Variants in CDH18 observed in about 807,000 individuals in gnomAD.
The protein encoded by CDH18 is cadherin-18.
CDH18 carries 31 observed loss-of-function variants against 67.9 expected under a neutral mutation model. That is an observed-to-expected ratio of 0.46 (90% confidence interval 0.34 to 0.62). CDH18 has a LOEUF of 0.62. Ranked by LOEUF, CDH18 falls within the 20% of genes least tolerant of loss-of-function variation. The pLI, the probability that CDH18 is intolerant of heterozygous loss-of-function variation, is 0.01. For synonymous variants in CDH18, 362 were observed against 347.2 expected (o/e 1.04, Z -0.48); for missense variants, 890 against 975.5 (o/e 0.91, Z 1.17).
At chr5:20,057,372 T>C (rs1007346158) in intron 2 of CDH18, among the ~76,000 whole-genome samples, 2 of 152,224 alleles carry the variant, frequency 1.3e-5, no homozygotes, top group Admixed American at 6.5e-5. Context: ...GAATAATCTA[T>C]GTAACCATTT....
At chr5:20,233,831 A>G (rs1218038319) in intron 2 of CDH18, among the ~76,000 whole-genome samples, 1 of 152,168 alleles carries the variant, frequency 6.6e-6, no homozygotes, top group Admixed American at 6.6e-5. Context: ...TTTTATAATC[A>G]TATTTTAATT....
At chr5:19,890,429 C>T (rs1398312090) in intron 2 of CDH18, among the ~76,000 whole-genome samples, 2 of 152,056 alleles carry the variant, frequency 1.3e-5, no homozygotes, top group East Asian at 1.9e-4. Context: ...CTTTGGGGGA[C>T]TACCATTCTG....
chr5:19,677,240 G>T (rs1759628687), intron 5 of CDH18, among the ~76,000 whole-genome samples: 1 of 152,066 alleles, frequency 6.6e-6, no homozygotes, highest in African/African-American at 2.4e-5. Context: ...AGAAGCGATT[G>T]GGGATGTGTT....
intron 3 of CDH18, among the ~76,000 whole-genome samples, chr5:19,813,627 G>A (rs1009357749): frequency 2.6e-5 from 4 of 151,874 alleles, no homozygotes; most frequent in Non-Finnish European, 5.9e-5. Context: ...TTCAGAAAGG[G>A]AAATTACAAA....
chr5:19,976,428 C>T (rs970927431), intron 2 of CDH18, among the ~76,000 whole-genome samples: 42 of 152,086 alleles, frequency 2.8e-4, no homozygotes, highest in African/African-American at 8.7e-4. Flanking sequence ...AGAGTGGACA[C>T]AGTAGTAAAC....
chr5:20,142,397 T>C (rs1425541356), intron 2 of CDH18, among the ~76,000 whole-genome samples: 4 of 151,796 alleles, frequency 2.6e-5, no homozygotes, highest in South Asian at 2.1e-4. Flanking sequence ...CTGGCCAACA[T>C]GACGAAACTC....
At chr5:19,887,239 T>A (rs1329123815) in intron 2 of CDH18, among the ~76,000 whole-genome samples, 1 of 151,866 alleles carries the variant, frequency 6.6e-6, no homozygotes, top group Non-Finnish European at 1.5e-5. Context: ...TAACAGCGCA[T>A]ACTCACTACC....
At chr5:20,353,388 C>G (rs1181730156) in intron 1 of CDH18, among the ~76,000 whole-genome samples, 1 of 152,100 alleles carries the variant, frequency 6.6e-6, no homozygotes, top group Admixed American at 6.6e-5. Flanking sequence ...ATGTTATGCA[C>G]CACTTCCTGT....
chr5:20,367,787 G>A (rs968525186), intron 1 of CDH18, among the ~76,000 whole-genome samples: 4 of 152,086 alleles, frequency 2.6e-5, no homozygotes, highest in Admixed American at 2.6e-4. Context: ...TTCCTTTTAG[G>A]ATAACTGATC....
chr5:20,053,846 C>T (rs1372128558), intron 2 of CDH18, among the ~76,000 whole-genome samples: 1 of 152,122 alleles, frequency 6.6e-6, no homozygotes, highest in Non-Finnish European at 1.5e-5. Flanking sequence ...TTCTGCTCAA[C>T]ATGGGTAGGG....
chr5:20,012,908 C>T (rs1737580206), intron 2 of CDH18, among the ~76,000 whole-genome samples: 1 of 151,834 alleles, frequency 6.6e-6, no homozygotes, highest in South Asian at 2.1e-4. Flanking sequence ...TATCAGAGGG[C>T]AGAGGGTAGG....
intron 5 of CDH18, among the ~76,000 whole-genome samples, chr5:19,654,560 C>T (rs1347887230): frequency 3.9e-5 from 6 of 152,196 alleles, no homozygotes; most frequent in Middle Eastern, 3.4e-3. Context: ...TATTGGGCTC[C>T]GGCCCCATGG....
rs573750021 is a variant in CDH18, at chr5:19,849,170, A to C, written c.-256-9928T>G. On this transcript the variant is annotated intron_variant, in intron 2 of 12. Coordinates refer to ENST00000382275, the MANE Select transcript of CDH18 (RefSeq NM_004934.5). ...ATTTGAAAGGAAATGTGGAGCTTGCAGCCAATTAAACTAGTCTCAGCTCAG... is the reference window on the plus strand; with the variant it reads ...ATTTGAAAGGAAATGTGGAGCTTGCCGCCAATTAAACTAGTCTCAGCTCAG... Among the ~76,000 whole-genome samples the C allele has an allele frequency of 1.2e-4, 19 of 152,164 alleles. No individual in the cohort carries two copies. In the South Asian group the frequency reaches 3.5e-3, roughly 28 times the overall value.
At chr5:20,528,566 T>C (rs1160104462) in intron 1 of CDH18, among the ~76,000 whole-genome samples, 1 of 151,996 alleles carries the variant, frequency 6.6e-6, no homozygotes, top group Non-Finnish European at 1.5e-5. Flanking sequence ...TTCAGAACAG[T>C]GCAATCAAAT....
At position 19,614,873 on chromosome 5, in the gene CDH18, C is replaced by T. The variant is rs187749200; in HGVS notation, c.644-2272G>A. 1.2e-3 allele frequency among the ~76,000 whole-genome samples: 187 copies of T among 152,172 alleles called. 1 individual carries two copies. Among genetic ancestry groups the T allele is most frequent in the African/African-American group, 4.4e-3 (182 of 41,534 alleles). The stretch of plus-strand genomic sequence containing the variant: ...TTTAAAATCACAACTCTTGGCTGGG[C>T]GCGGCGGCTCAGGCCTATAATCCCA... On this transcript the variant is annotated intron_variant, in intron 5 of 12. Coordinates refer to ENST00000382275, the MANE Select transcript of CDH18 (RefSeq NM_004934.5).
At chr5:19,924,123 T>C (rs1287468565) in intron 2 of CDH18, among the ~76,000 whole-genome samples, 1 of 152,076 alleles carries the variant, frequency 6.6e-6, no homozygotes, top group Non-Finnish European at 1.5e-5. Flanking sequence ...ACTATGAATT[T>C]ATCATAAACA....
At chr5:20,470,879 A>G (rs1752009004) in intron 1 of CDH18, among the ~76,000 whole-genome samples, 1 of 152,096 alleles carries the variant, frequency 6.6e-6, no homozygotes. Context: ...CACTCTGACA[A>G]TTCATTAAGT....
rs1324730077 is a variant in CDH18, at chr5:19,473,582, T to C, written c.2017A>G (p.Ile673Val). The change falls in exon 13 of 13, where the codon ATC becomes GTC. Residue 673 changes from isoleucine (I) to valine (V), a missense_variant. Coordinates refer to ENST00000382275, the MANE Select transcript of CDH18 (RefSeq NM_004934.5). ...GCAGAAGGATTCCTCAAGGCTGTGA[T>C]GTCAAAGGCCTCTGTGTCTTCCTCT... The part of the protein sequence containing the change: ...GGEEDTEAFD[I>V]TALRNPSAAE... 5.6e-6 allele frequency: 9 copies of C among 1,613,870 alleles called. No homozygotes were observed. Among genetic ancestry groups the C allele is most frequent in the Non-Finnish European group, 7.6e-6 (9 of 1,179,866 alleles).
At chr5:20,482,857 C>T (rs1752912255) in intron 1 of CDH18, among the ~76,000 whole-genome samples, 2 of 152,036 alleles carry the variant, frequency 1.3e-5, no homozygotes, top group Non-Finnish European at 2.9e-5. Flanking sequence ...CCTGCATGAT[C>T]TCAAAACTTG....
Sources: gnomAD v4.1 joint callset for allele counts (sites outside exome capture counted in the v4.1 genomes callset) on GRCh38, gnomAD v4.1.1 for gene constraint, MANE v1.5 for transcripts, NCBI Gene and HGNC (gene_info 2026-07-23, HGNC 2026-07-21) for gene names.